Variants in INTS9 observed in about 807,000 individuals in gnomAD.
The protein encoded by INTS9 is protein related to CPSF subunits of 74 kDa.
Under a neutral mutation model 79.7 loss-of-function variants are expected in INTS9, and 55 were observed. The observed-to-expected ratio is 0.69, with a 90% CI of 0.56 to 0.86. The LOEUF is 0.86. INTS9 is among the 40% of genes least tolerant of loss of function. The pLI, the probability that INTS9 is intolerant of heterozygous loss-of-function variation, is 0.00. For synonymous variants in INTS9, 319 were observed against 325.2 expected (o/e 0.98, Z 0.20); for missense variants, 721 against 831.5 (o/e 0.87, Z 1.64).
At chr8:28,885,039 A>G (rs1810110667) in intron 1 of INTS9, among the ~76,000 whole-genome samples, 2 of 152,246 alleles carry the variant, frequency 1.3e-5, no homozygotes, top group African/African-American at 4.8e-5. Context: ...AATCTTCTAC[A>G]TAATCTACAA....
chr8:28,835,318 G>A lies in INTS9; in HGVS notation c.462C>T (p.Ser154=). ...TCTGAATGTCCTTATTCTTCCACAA[G>A]GAGGCAGACTGAGCCTTTGGCACTC... The part of the protein sequence containing the change: ...IERVPKAQSA[S]LWKNKDIQRL... The change falls in exon 6 of 17, where the codon TCC becomes TCT. Residue 154 remains serine (S), a synonymous_variant. Transcript: ENST00000521022. 6.2e-7 allele frequency: 1 copy of A among 1,613,666 alleles called. No homozygotes were observed. Among genetic ancestry groups the A allele is most frequent in the Non-Finnish European group, 8.5e-7 (1 of 1,179,704 alleles).
intron 6 of INTS9, among the ~76,000 whole-genome samples, chr8:28,820,347 G>C (rs1265018630): frequency 1.3e-5 from 2 of 152,162 alleles, no homozygotes; most frequent in Non-Finnish European, 2.9e-5. Flanking sequence ...GGGCAGGCCT[G>C]GTGGTGACAA....
intron 2 of INTS9, among the ~76,000 whole-genome samples, chr8:28,852,633 G>A (rs910803085): frequency 3.9e-5 from 6 of 152,148 alleles, no homozygotes; most frequent in Middle Eastern, 3.2e-3. Flanking sequence ...CACTCTGTCC[G>A]TTCCCCATCA....
At chr8:28,854,036 A>G (rs2131271504) in intron 2 of INTS9, among the ~76,000 whole-genome samples, 1 of 151,952 alleles carries the variant, frequency 6.6e-6, no homozygotes, top group Middle Eastern at 3.4e-3. Flanking sequence ...TTTCTTTTTT[A>G]TTTTTATTAG....
At chr8:28,868,785 G>A (rs996176271) in intron 1 of INTS9, among the ~76,000 whole-genome samples, 1 of 152,096 alleles carries the variant, frequency 6.6e-6, no homozygotes, top group African/African-American at 2.4e-5. Flanking sequence ...TCACCAACAC[G>A]TTTGTGACAT....
At chr8:28,776,308 G>A (rs1020516527) in intron 13 of INTS9, 45 of 164,596 alleles carry the variant, frequency 2.7e-4, no homozygotes, top group Admixed American at 2.3e-3. Flanking sequence ...GTGGCTTTTC[G>A]TGCCGGGCTG....
chr8:28,850,118 A>G, intron 3 of INTS9, 95 bp downstream of exon 3: 2 of 831,470 alleles, frequency 2.4e-6, no homozygotes, highest in Non-Finnish European at 1.9e-6. Context: ...AAAAAAAAAA[A>G]GCCATCAGTC....
chr8:28,888,619 C>T (rs1215420915), intron 1 of INTS9, among the ~76,000 whole-genome samples: 1 of 152,218 alleles, frequency 6.6e-6, no homozygotes, highest in Non-Finnish European at 1.5e-5. Context: ...TTCTGTAGGG[C>T]AACGGCTATG....
intron 8 of INTS9, chr8:28,798,119 T>C (rs1804323107): frequency 6.6e-6 from 1 of 152,266 alleles, no homozygotes; most frequent in African/African-American, 2.4e-5. Context: ...CACAAGTATA[T>C]TCACACAAAT....
At chr8:28,805,576 A>G (rs567576716) in intron 8 of INTS9, among the ~76,000 whole-genome samples, 2 of 152,296 alleles carry the variant, frequency 1.3e-5, no homozygotes, top group Admixed American at 1.3e-4. Flanking sequence ...CGTATTATGT[A>G]TGTTCTAAAC....
At chr8:28,849,485 T>C (rs1585469600) in intron 3 of INTS9, among the ~76,000 whole-genome samples, 1 of 151,934 alleles carries the variant, frequency 6.6e-6, no homozygotes, top group African/African-American at 2.4e-5. Flanking sequence ...CCCAGAGTCC[T>C]AGAACTGTTT....
At chr8:28,831,975 G>C (rs1341043788) in intron 6 of INTS9, among the ~76,000 whole-genome samples, 1 of 152,184 alleles carries the variant, frequency 6.6e-6, no homozygotes, top group Non-Finnish European at 1.5e-5. Flanking sequence ...AAAGTGATGG[G>C]ATTACAGGCC....
At position 28,869,420 on chromosome 8, in the gene INTS9, A is replaced by G. The variant is rs117358569; in HGVS notation, c.10-9857T>C. ...ACTTTTCTCTTCTCCAACACATCCA[A>G]GTATAAACATTCGCTGCCATCAGTA... On this transcript the variant is annotated intron_variant, in intron 1 of 16. Coordinates refer to ENST00000521022, the MANE Select transcript of INTS9 (RefSeq NM_018250.4). 7.9e-5 allele frequency among the ~76,000 whole-genome samples: 12 copies of G among 152,262 alleles called. No homozygotes were observed. The East Asian group carries it at 2.1e-3, about 27-fold the overall frequency.
intron 5 of INTS9, 101 bp from the exon 6 acceptor site, chr8:28,835,479 C>T (rs1360596124): frequency 1.4e-6 from 1 of 694,170 alleles, no homozygotes; most frequent in Non-Finnish European, 2.5e-6. Context: ...CCACCTCCCC[C>T]TACACCATTT....
chr8:28,795,479 A>G (rs2130962806), intron 9 of INTS9, among the ~76,000 whole-genome samples: 1 of 152,080 alleles, frequency 6.6e-6, no homozygotes, highest in Middle Eastern at 3.4e-3. Context: ...GTCTCTACTA[A>G]AAATACAAAA....
At chr8:28,803,363 G>A (rs528103370) in intron 8 of INTS9, among the ~76,000 whole-genome samples, 22 of 152,178 alleles carry the variant, frequency 1.4e-4, no homozygotes, top group Non-Finnish European at 2.6e-4. Flanking sequence ...TGATTAGCCA[G>A]GGCCAGAAAG....
At chr8:28,848,407 TAA>T (rs1172729025) in intron 3 of INTS9, among the ~76,000 whole-genome samples, 5 of 152,344 alleles carry the variant, frequency 3.3e-5, no homozygotes, top group South Asian at 4.1e-4. Context: ...TTGAATTTTA[TAA>T]GTCTCATATC....
intron 14 of INTS9, among the ~76,000 whole-genome samples, chr8:28,774,363 C>A (rs1363879332): frequency 1.3e-5 from 2 of 152,068 alleles, no homozygotes; most frequent in Non-Finnish European, 2.9e-5. Context: ...ATATAGCAAA[C>A]ATCAATAGAC....
Position 28,837,100 on chromosome 8 carries a change from T to C in INTS9, c.401+537A>G, listed in dbSNP as rs139597354. On this transcript the variant is annotated intron_variant, in intron 5 of 16. Transcript: ENST00000521022. ...AGAGAAAGGGATGGCAGAGGCTTCTTAGAGTCAAAGGAAAACTGCAGTTTT... is the reference window on the plus strand; with the variant it reads ...AGAGAAAGGGATGGCAGAGGCTTCTCAGAGTCAAAGGAAAACTGCAGTTTT... Among the ~76,000 whole-genome samples, 169 of 152,288 alleles carry C rather than the reference T, an allele frequency of 1.1e-3. 3 individuals are homozygous for C. Among genetic ancestry groups the C allele is most frequent in the Non-Finnish European group, 1.6e-4 (11 of 68,008 alleles).
Sources: gnomAD v4.1 joint callset for allele counts (sites outside exome capture counted in the v4.1 genomes callset) on GRCh38, gnomAD v4.1.1 for gene constraint, MANE v1.5 for transcripts, NCBI Gene and HGNC (gene_info 2026-07-23, HGNC 2026-07-21) for gene names.